SFRP1: variants seen among roughly 807,000 people sequenced by gnomAD.
SFRP1 encodes the protein secreted frizzled-related protein 1.
SFRP1 carries 9 observed loss-of-function variants against 25.9 expected under a neutral mutation model. The observed-to-expected ratio is 0.35, with a 90% CI of 0.21 to 0.61. SFRP1 has a LOEUF of 0.61. Ranked by LOEUF, SFRP1 falls within the 20% of genes least tolerant of loss-of-function variation. SFRP1 has a pLI of 0.78. For missense variants in SFRP1, 346 were observed against 418.2 expected, an observed-to-expected ratio of 0.83 and a Z score of 1.51; for synonymous variants, 178 against 174.0, an observed-to-expected ratio of 1.02 and a Z score of -0.18.
Position 41,265,352 on chromosome 8 carries a change from C to T in SFRP1, c.760G>A (p.Ala254Thr), listed in dbSNP as rs752829505. The change falls in exon 3 of 3, where the codon GCT (alanine) becomes ACT (threonine). Residue 254 changes from alanine (A) to threonine (T), a missense_variant. Ala to Thr is a moderately conservative substitution (Grantham distance 58). Transcript: ENST00000220772. ...KKLVLYLKNG[A>T]DCPCHQLDNL... The stretch of plus-strand genomic sequence containing the variant: ...TCCAGCTGGTGGCAGGGACAGTCAG[C>T]CCCATTCTTCAGGTACAGCACAAGC... 8 of 1,613,950 alleles carry T rather than the reference C, an allele frequency of 5.0e-6. No homozygotes were observed. Among genetic ancestry groups the T allele is most frequent in the African/African-American group, 1.3e-5 (1 of 74,916 alleles).
At chr8:41,305,037 C>G (rs922919717) in intron 1 of SFRP1, among the ~76,000 whole-genome samples, 1 of 152,150 alleles carries the variant, frequency 6.6e-6, no homozygotes, top group South Asian at 2.1e-4. Context: ...AAGGAGACAA[C>G]TTACCACAAA....
intron 2 of SFRP1, among the ~76,000 whole-genome samples, chr8:41,280,146 A>G (rs4736802): frequency 0.52 from 78,549 of 152,094 alleles, 21,711 homozygotes; most frequent in African/African-American, 0.73. Context: ...AGTCCAGGGG[A>G]GTGCAGGGGG....
chr8:41,265,157 C>A lies in SFRP1; in HGVS notation c.*10G>T. On this transcript the variant is annotated 3_prime_UTR_variant, in exon 3 of 3. Transcript: ENST00000220772. ...CCCGAGGCTCCCTCCCCACCCTGCC[C>A]CCGGGAGAATCACTTAAACACGGAC... 1 of 1,534,030 alleles carries A rather than the reference C, an allele frequency of 6.5e-7. No homozygotes were observed. Among genetic ancestry groups the A allele is most frequent in the Non-Finnish European group, 8.9e-7 (1 of 1,129,544 alleles).
rs1803421394 is a variant in SFRP1 at position 41,265,294 on chromosome 8, C to T, written c.818G>A (p.Arg273His). ...CAGCAAGTACTGGCTCTTCACCTTG[C>T]GGCCCATGATGAGGAAGTGGTGGCT... The part of the protein sequence containing the change: ...NLSHHFLIMG[R>H]KVKSQYLLTA... The change falls in exon 3 of 3, where the codon CGC becomes CAC. Residue 273 changes from arginine to histidine, a missense_variant. Physicochemically the swap from Arg to His is conservative, Grantham distance 29. Coordinates refer to ENST00000220772, the MANE Select transcript of SFRP1 (RefSeq NM_003012.5). 16 of 1,614,182 alleles carry T rather than the reference C, an allele frequency of 9.9e-6. No homozygotes were observed. Among genetic ancestry groups the T allele is most frequent in the Non-Finnish European group, 1.3e-5 (15 of 1,180,030 alleles).
chr8:41,270,054 C>T (rs1585504450), intron 2 of SFRP1, among the ~76,000 whole-genome samples: 1 of 152,176 alleles, frequency 6.6e-6, no homozygotes. Context: ...GAGTCTGAAA[C>T]TAGAGCACTT....
chr8:41,304,137 T>C (rs1803963532), intron 1 of SFRP1, among the ~76,000 whole-genome samples: 1 of 151,692 alleles, frequency 6.6e-6, no homozygotes, highest in African/African-American at 2.4e-5. Flanking sequence ...CGCTGCCAAA[T>C]GGGAGGACAG....
At chr8:41,285,822 C>A (rs2117499030) in intron 2 of SFRP1, among the ~76,000 whole-genome samples, 1 of 152,308 alleles carries the variant, frequency 6.6e-6, no homozygotes, top group Non-Finnish European at 1.5e-5. Flanking sequence ...GGAGGCTCCA[C>A]CGGATGGGAT....
At chr8:41,294,468 A>G (rs911245559) in intron 2 of SFRP1, among the ~76,000 whole-genome samples, 5 of 152,146 alleles carry the variant, frequency 3.3e-5, no homozygotes, top group Admixed American at 3.3e-4. Context: ...CCCCCTCGTA[A>G]TCCTGCCTGA....
intron 2 of SFRP1, among the ~76,000 whole-genome samples, chr8:41,297,390 C>T (rs552263444): frequency 4.5e-4 from 69 of 152,270 alleles, no homozygotes; most frequent in Middle Eastern, 6.8e-3. Context: ...TAAAAGACTT[C>T]TTCAGTTTAA....
chr8:41,307,122 G>A, intron 1 of SFRP1: 1 of 917,968 alleles, frequency 1.1e-6, no homozygotes, highest in Non-Finnish European at 1.5e-6. Flanking sequence ...AATTCCCGCA[G>A]GCTGCAGGGG....
At chr8:41,304,687 C>A (rs1438549751) in intron 1 of SFRP1, among the ~76,000 whole-genome samples, 1 of 152,052 alleles carries the variant, frequency 6.6e-6, no homozygotes, top group Non-Finnish European at 1.5e-5. Context: ...ATGGCTCAGA[C>A]ATTGAAATAG....
intron 1 of SFRP1, chr8:41,306,779 A>G (rs1804003431): frequency 8.1e-6 from 13 of 1,598,164 alleles, no homozygotes; most frequent in Non-Finnish European, 1.1e-5. Flanking sequence ...CAGGCTGAGA[A>G]GGGCGCCGAC....
Position 41,262,257 on chromosome 8 carries a change from G to C in SFRP1, c.*2910C>G, listed in dbSNP as rs974679317. 6.6e-6 allele frequency: 1 copy of C among 152,250 alleles called. No homozygotes were observed. Among genetic ancestry groups the C allele is most frequent in the African/African-American group, 2.4e-5 (1 of 41,466 alleles). The allele number at this position is 152,250 out of a possible 1,614,324, so 9.4% of individuals were successfully genotyped here. A position where few individuals can be genotyped will look rare whatever the true frequency, so the allele number is the denominator to read the frequency against. ...TGCTGGCAACAGGTCAGAACGGCCA[G>C]TATGTTATTCCCTGCAGGCTGCCTA... is the stretch of plus-strand genomic sequence containing the variant. On this transcript the variant is annotated 3_prime_UTR_variant, in exon 3 of 3. Coordinates refer to ENST00000220772, the MANE Select transcript of SFRP1 (RefSeq NM_003012.5).
intron 2 of SFRP1, among the ~76,000 whole-genome samples, chr8:41,297,332 C>T (rs1346738765): frequency 2.6e-5 from 4 of 152,214 alleles, no homozygotes; most frequent in Admixed American, 2.6e-4. Flanking sequence ...GTGTGAGTCA[C>T]CGTGCCCAGC....
chr8:41,265,138 G>T lies in SFRP1; in HGVS notation c.*29C>A. The T allele has an allele frequency of 2.0e-6, 1 of 508,950 alleles. No individual in the cohort carries two copies. 31.5% of individuals were successfully genotyped at this position (508,950 alleles called of 1,614,324 possible). On this transcript the variant is annotated 3_prime_UTR_variant, in exon 3 of 3. Transcript: ENST00000220772. ...CCCCCCCGCTCCCACCCCACCCGAG[G>T]CTCCCTCCCCACCCTGCCCCCGGGA...
intron 2 of SFRP1, among the ~76,000 whole-genome samples, chr8:41,299,499 TAAAAAAAAAAAAA>T (rs576175856): frequency 5.4e-5 from 3 of 56,066 alleles, no homozygotes; most frequent in Non-Finnish European, 9.0e-5. Flanking sequence ...TTCTCCTTTA[TAAAAAAAAAAAAA>T]AAAAAAAAAA....
chr8:41,284,556 G>A lies in SFRP1; in HGVS notation c.622+18905C>T, dbSNP rs192457447. The stretch of plus-strand genomic sequence containing the variant: ...GAGATGCTGGGCTGCAAATACCCAC[G>A]GACCTCCAGCATGGCTGACAACAGC... On this transcript the variant is annotated intron_variant, in intron 2 of 2. Transcript: ENST00000220772. Among the ~76,000 whole-genome samples the A allele has an allele frequency of 1.6e-3, 244 of 152,270 alleles. 1 individual carries two copies. The highest frequency in any genetic ancestry group is 5.3e-3 in the African/African-American group (219 of 41,564).
intron 2 of SFRP1, among the ~76,000 whole-genome samples, chr8:41,303,179 G>A (rs993036240): frequency 3.3e-5 from 5 of 151,316 alleles, no homozygotes; most frequent in Non-Finnish European, 7.4e-5. Flanking sequence ...TGCTCCTCTC[G>A]ACCTGTCCCC....
chr8:41,269,900 G>A (rs754202147), intron 2 of SFRP1, among the ~76,000 whole-genome samples: 48 of 152,282 alleles, frequency 3.2e-4, no homozygotes, highest in Middle Eastern at 3.4e-3. Context: ...GAGCGCCTTC[G>A]TCAGGTGAAA....
Sources: allele counts gnomAD v4.1 joint callset (sites outside exome capture counted in the v4.1 genomes callset), GRCh38; gene constraint gnomAD v4.1.1; transcripts MANE v1.5; gene names NCBI Gene and HGNC (gene_info 2026-07-23, HGNC 2026-07-21).